The following ZNF276 variants were observed in gnomAD, a reference collection of about 807,000 sequenced individuals.
ZNF276 encodes zinc finger protein 276.
Under a neutral mutation model 63.9 loss-of-function variants are expected in ZNF276, and 59 were observed. The ratio of observed to expected loss-of-function variants is 0.92; its 90% CI spans 0.75 to 1.15. ZNF276 has a LOEUF of 1.15. Among genes scored for constraint, ZNF276 ranks in the 50% most tolerant of loss-of-function variants. ZNF276 has a pLI of 0.00. For synonymous variants in ZNF276, 496 were observed against 348.4 expected, an observed-to-expected ratio of 1.42 and a Z score of -4.72; for missense variants, 1,084 against 843.8, an observed-to-expected ratio of 1.28 and a Z score of -3.53.
upstream of ZNF276, chr16:89,720,911 A>T (rs1356006509): frequency 7.9e-7 from 1 of 1,271,902 alleles, no homozygotes; most frequent in Non-Finnish European, 9.9e-7. Flanking sequence ...TGGACGGGCG[A>T]CCGGAGGCCC....
Position 89,733,435 on chromosome 16 carries a change from C to T in ZNF276, c.1280+23C>T, listed in dbSNP as rs200227009. On this transcript the variant is annotated intron_variant, in intron 7 of 10. Coordinates refer to ENST00000443381, the MANE Select transcript of ZNF276 (RefSeq NM_001113525.2). The stretch of plus-strand genomic sequence containing the variant: ...GAGGTGATGCCTGCAACGCGAGGCT[C>T]GCCCTGCCTGTCGGGGCCGGGGCTC... 46 of 1,614,010 alleles carry T rather than the reference C, an allele frequency of 2.9e-5. No individual in the cohort carries two copies. The Admixed American group carries it at 3.8e-4, about 13-fold the overall frequency.
intron 5 of ZNF276, 123 bp from the exon 6 acceptor site, chr16:89,729,112 A>G (rs2061564094): frequency 2.5e-6 from 2 of 797,126 alleles, no homozygotes; most frequent in East Asian, 2.5e-5. Context: ...GATTTAAGAC[A>G]TTTTCAGAAG....
Position 89,738,035 on chromosome 16 carries a change from A to G in ZNF276, c.1634A>G (p.Lys545Arg). 6.2e-7 allele frequency: 1 copy of G among 1,614,144 alleles called. No homozygotes were observed. The highest frequency in any genetic ancestry group is 8.5e-7 in the Non-Finnish European group (1 of 1,180,028). Reference protein sequence around the residue: ...QRASLKYHMTKHKAETELDFA... With the variant: ...QRASLKYHMTRHKAETELDFA... ...GCATCCCTCAAGTACCACATGACCA[A>G]ACACAAGGCTGAGACTGAGCTGGAC... The change falls in exon 11 of 11, where the codon AAA becomes AGA. Residue 545 changes from lysine (K) to arginine (R), a missense_variant. Transcript: ENST00000443381.
At chr16:89,730,272 C>A (rs1013315008) in intron 6 of ZNF276, among the ~76,000 whole-genome samples, 1 of 152,148 alleles carries the variant, frequency 6.6e-6, no homozygotes, top group South Asian at 2.1e-4. Flanking sequence ...TCCCTACCCC[C>A]AGGCTTGTTC....
chr16:89,727,504 T>TG, intron 5 of ZNF276, 147 bp downstream of exon 5: 1 of 895,438 alleles, frequency 1.1e-6, no homozygotes, highest in Non-Finnish European at 1.7e-6. Flanking sequence ...CGGCTGCCCA[T>TG]GCGCTGGTAC....
chr16:89,726,836 G>C (rs2061485733), intron 4 of ZNF276, among the ~76,000 whole-genome samples: 1 of 150,748 alleles, frequency 6.6e-6, no homozygotes, highest in African/African-American at 2.5e-5. Flanking sequence ...AATAGAGATG[G>C]GGTTTCACCA....
Position 89,740,688 on chromosome 16 carries a change from C to G in ZNF276, c.*2442C>G, listed in dbSNP as rs546411860. On this transcript the variant is annotated 3_prime_UTR_variant, in exon 11 of 11. Coordinates refer to ENST00000443381, the MANE Select transcript of ZNF276 (RefSeq NM_001113525.2). The stretch of plus-strand genomic sequence containing the variant: ...CTGGGAGTTCTCACTCACACTTCCG[C>G]AAACACAAGGAGCTCCTGAGCTAGT... 1 of 824,342 alleles carries G rather than the reference C, an allele frequency of 1.2e-6. No individual in the cohort carries two copies. The highest frequency in any genetic ancestry group is 2.0e-6 in the Non-Finnish European group (1 of 493,872). The allele number at this position is 824,342 out of a possible 1,614,324, so 51.1% of individuals were successfully genotyped here.
At chr16:89,726,524 G>T (rs2092367209) in intron 4 of ZNF276, among the ~76,000 whole-genome samples, 1 of 152,236 alleles carries the variant, frequency 6.6e-6, no homozygotes, top group East Asian at 1.9e-4. Context: ...GTAGAGACGG[G>T]GTTTAACCAT....
In ZNF276 at chr16:89,723,747, G is replaced by C. The variant is rs769251193; in HGVS notation, c.1006+38G>C. On this transcript the variant is annotated intron_variant, in intron 4 of 10. Coordinates refer to ENST00000443381, the MANE Select transcript of ZNF276 (RefSeq NM_001113525.2). ...TCTTGCTGGTGCTAGACCAGGATGT[G>C]TGCTCCTCAGTGGGGCAGGGTTTTC... 3 of 1,574,900 alleles carry C rather than the reference G, an allele frequency of 1.9e-6. No individual in the cohort carries two copies. In the African/African-American group the frequency reaches 4.0e-5, roughly 21 times the overall value.
intron 8 of ZNF276, 89 bp downstream of exon 8, chr16:89,733,646 C>G (rs1444957710): frequency 6.0e-6 from 9 of 1,491,344 alleles, no homozygotes; most frequent in East Asian, 2.3e-5. Context: ...CTAACTCAGA[C>G]TTGCGCCCAA....
In ZNF276 at chr16:89,723,127, T is replaced by TC; in HGVS notation, c.510-8dup. 1 of 1,613,168 alleles carries TC rather than the reference T, an allele frequency of 6.2e-7. No homozygotes were observed. ...CTTGTCCTGCTCATGGCCACACTGATCCTTTGCAGGGTCGGTGCCCAGCCC... is the reference window on the plus strand; with the variant it reads ...CTTGTCCTGCTCATGGCCACACTGATCCCTTTGCAGGGTCGGTGCCCAGCCC... On this transcript the variant is annotated splice_polypyrimidine_tract_variant and intron_variant, in intron 2 of 10. Coordinates refer to ENST00000443381, the MANE Select transcript of ZNF276 (RefSeq NM_001113525.2).
At chr16:89,731,030 C>G (rs2061630376) in intron 6 of ZNF276, among the ~76,000 whole-genome samples, 1 of 152,228 alleles carries the variant, frequency 6.6e-6, no homozygotes. Flanking sequence ...GATTCCCGTC[C>G]CAAACACGAG....
chr16:89,733,352 C>T lies in ZNF276; in HGVS notation c.1220C>T (p.Pro407Leu), dbSNP rs965568901. Residue 407 changes from proline (P) to leucine (L), a missense_variant, in exon 7 of 11, where the codon CCA becomes CTA. Coordinates refer to ENST00000443381, the MANE Select transcript of ZNF276 (RefSeq NM_001113525.2). ...ESKEAKKSEE[P>L]RIRKKPGPKP... ...AAAGAAGCCAAGAAGTCTGAAGAACCAAGAATTCGGAAGAAGCCGGGACCC... is the reference window on the plus strand; with the variant it reads ...AAAGAAGCCAAGAAGTCTGAAGAACTAAGAATTCGGAAGAAGCCGGGACCC... 4 of 1,614,006 alleles carry T rather than the reference C, an allele frequency of 2.5e-6. No individual in the cohort carries two copies. The highest frequency in any genetic ancestry group is 3.4e-6 in the Non-Finnish European group (4 of 1,180,052).
At chr16:89,731,231 G>A (rs1018672195) in intron 6 of ZNF276, among the ~76,000 whole-genome samples, 2 of 152,244 alleles carry the variant, frequency 1.3e-5, no homozygotes, top group Admixed American at 6.5e-5. Flanking sequence ...CAGCCTGTGC[G>A]AAGTCAACAG....
chr16:89,720,962 G>T, upstream of ZNF276: 1 of 1,128,256 alleles, frequency 8.9e-7, no homozygotes, highest in Non-Finnish European at 1.1e-6. Context: ...CCCGAGCAGC[G>T]GACCGCAGGA....
intron 4 of ZNF276, 33 bp from the exon 5 acceptor site, chr16:89,727,246 T>C: frequency 6.2e-7 from 1 of 1,608,556 alleles, no homozygotes; most frequent in Non-Finnish European, 8.5e-7. Context: ...GTGCTCCGTG[T>C]TGGTAACAGG....
At chr16:89,737,479 C>T in intron 9 of ZNF276, 2 of 349,426 alleles carry the variant, frequency 5.7e-6, no homozygotes, top group Non-Finnish European at 1.1e-5. Context: ...TGAGATCACG[C>T]CACCGCACTG....
chr16:89,729,264 A>T lies in ZNF276; in HGVS notation c.1115A>T (p.Lys372Met), dbSNP rs764685556. The T allele has an allele frequency of 6.2e-7, 1 of 1,614,176 alleles. No homozygotes were observed. Among genetic ancestry groups the T allele is most frequent in the Non-Finnish European group, 8.5e-7 (1 of 1,180,028 alleles). The change falls in exon 6 of 11, where the codon AAG becomes ATG. Residue 372 changes from lysine to methionine, a missense_variant. By Grantham distance (95) the Lys-to-Met change is moderately conservative. Coordinates refer to ENST00000443381, the MANE Select transcript of ZNF276 (RefSeq NM_001113525.2). The part of the protein sequence containing the change: ...GDVLSEDEND[K>M]KQNAQSSDES... Reference sequence around the variant, plus strand: ...GTCTTGAGTGAAGATGAAAATGACAAGAAGCAAAATGCCCAGTCTTCGGAC... The same window carrying T: ...GTCTTGAGTGAAGATGAAAATGACATGAAGCAAAATGCCCAGTCTTCGGAC...
At chr16:89,720,431 G>C, upstream of ZNF276, 3 of 1,038,960 alleles carry the variant, frequency 2.9e-6, no homozygotes, top group Non-Finnish European at 3.5e-6. Context: ...AAAAATGCAC[G>C]AACGCACGGA....
Sources: allele counts gnomAD v4.1 joint callset (sites outside exome capture counted in the v4.1 genomes callset), GRCh38; gene constraint gnomAD v4.1.1; transcripts MANE v1.5; gene names NCBI Gene and HGNC (gene_info 2026-07-23, HGNC 2026-07-21).